HDC: variants seen among roughly 807,000 people sequenced by gnomAD.
HDC encodes the protein histidine decarboxylase.
HDC carries 27 observed loss-of-function variants against 64.4 expected under a neutral mutation model. The ratio of observed to expected loss-of-function variants is 0.42; its 90% CI spans 0.31 to 0.58. The LOEUF (loss-of-function observed/expected upper bound fraction) is 0.58. Among genes scored for constraint, HDC ranks in the 20% least tolerant of loss-of-function variants. The pLI is 0.16. For synonymous variants in HDC, 305 were observed against 314.2 expected (o/e 0.97, Z 0.31); for missense variants, 711 against 833.9 (o/e 0.85, Z 1.81).
intron 4 of HDC, among the ~76,000 whole-genome samples, chr15:50,257,190 T>C (rs1032221607): frequency 4.6e-5 from 7 of 152,158 alleles, no homozygotes; most frequent in Non-Finnish European, 4.4e-5. Flanking sequence ...ATACTGGAAA[T>C]GTGATCATGT....
rs1300336275 is a variant in HDC at position 50,248,218 on chromosome 15, C to T, written c.1140+27G>A. The T allele has an allele frequency of 1.3e-6, 2 of 1,489,184 alleles. No homozygotes were observed. The highest frequency in any genetic ancestry group is 1.1e-5 in the South Asian group (1 of 88,428). 92.2% of individuals were successfully genotyped at this position (1,489,184 alleles called of 1,614,324 possible). The stretch of plus-strand genomic sequence containing the variant: ...ATGAGAAAACAGAGGAACACAGGCT[C>T]AGCCCCCACAGCAGCATGCTACATA... On this transcript the variant is annotated intron_variant, in intron 10 of 11. Transcript: ENST00000267845. This position sits in a 1 kb window ranked among gnomAD's most constrained non-coding sequence, Gnocchi z 4.3.
At chr15:50,260,743 T>C (rs1290559353) in intron 2 of HDC, among the ~76,000 whole-genome samples, 1 of 152,176 alleles carries the variant, frequency 6.6e-6, no homozygotes, top group Non-Finnish European at 1.5e-5. Context: ...GCCACATCCC[T>C]GTGGTCACAC....
rs368451304 is a variant in HDC, at chr15:50,253,687, G to C, written c.721-21C>G. On this transcript the variant is annotated intron_variant, in intron 6 of 11. Coordinates refer to ENST00000267845, the MANE Select transcript of HDC (RefSeq NM_002112.4). ...CAGACCTAGGGGAAAATTAAGGCAA[G>C]TTAACACAGGAGGGTGGGCTCGTGT... The C allele has an allele frequency of 1.1e-5, 18 of 1,606,942 alleles. No homozygotes were observed. The African/African-American group carries it at 2.4e-4, about 21-fold the overall frequency.
intron 2 of HDC, among the ~76,000 whole-genome samples, chr15:50,260,083 G>A (rs1266865802): frequency 6.6e-6 from 1 of 150,710 alleles, no homozygotes. Context: ...GTGCAGCAGC[G>A]CCATCTTGGC....
chr15:50,260,965 A>T (rs1282636293), intron 2 of HDC, among the ~76,000 whole-genome samples: 2 of 152,176 alleles, frequency 1.3e-5, no homozygotes, highest in African/African-American at 4.8e-5. Flanking sequence ...TCAGTTTTCA[A>T]TGAGGCACTG....
intron 6 of HDC, 73 bp from the exon 7 acceptor site, chr15:50,253,739 A>G: frequency 2.6e-6 from 3 of 1,175,628 alleles, no homozygotes; most frequent in Non-Finnish European, 3.8e-6. Context: ...GAAAGATTTC[A>G]CCACAGACGT....
At chr15:50,256,904 A>T (rs545803146) in intron 4 of HDC, among the ~76,000 whole-genome samples, 16 of 152,302 alleles carry the variant, frequency 1.1e-4, no homozygotes, top group Non-Finnish European at 2.2e-4. Context: ...GGTCCATGGG[A>T]GGCACCCAGA....
At chr15:50,255,456 G>A (rs1402105460) in intron 4 of HDC, among the ~76,000 whole-genome samples, 3 of 152,078 alleles carry the variant, frequency 2.0e-5, no homozygotes, top group Non-Finnish European at 4.4e-5. Context: ...GATATTAAGT[G>A]CCTGGGAGTT....
rs563181284 is a variant in HDC, at chr15:50,263,715, G to A, written c.32-308C>T. 1.3e-5 allele frequency among the ~76,000 whole-genome samples: 2 copies of A among 152,108 alleles called. 1 individual carries two copies. Among genetic ancestry groups the A allele is most frequent in the Non-Finnish European group, 2.9e-5 (2 of 68,026 alleles). On this transcript the variant is annotated intron_variant, in intron 1 of 11. Coordinates refer to ENST00000267845, the MANE Select transcript of HDC (RefSeq NM_002112.4). ...CTTGGGAGGCTGAGGCAGGAGAATCGCTTGAACCTGGGAGACGGAGGTTGC... is the reference window on the plus strand; with the variant it reads ...CTTGGGAGGCTGAGGCAGGAGAATCACTTGAACCTGGGAGACGGAGGTTGC...
chr15:50,242,967 C>T lies in HDC; in HGVS notation c.1282G>A (p.Ala428Thr). The T allele has an allele frequency of 6.2e-7, 1 of 1,614,050 alleles. No individual in the cohort carries two copies. Residue 428 changes from alanine (A) to threonine (T), a missense_variant, in exon 12 of 12, where the codon GCT becomes ACT. Transcript: ENST00000267845. ...ATGAGGAAGAGACGGCCAGCTTTAG[C>T]TATTTCCTTTAACACATTTTCTGTG... is the stretch of plus-strand genomic sequence containing the variant. ...CLTENVLKEI[A>T]KAGRLFLIPA...
At chr15:50,263,932 A>G (rs2045737395) in intron 1 of HDC, among the ~76,000 whole-genome samples, 1 of 152,230 alleles carries the variant, frequency 6.6e-6, no homozygotes, top group South Asian at 2.1e-4. Flanking sequence ...AAATCTCCAA[A>G]GCACAAAACT....
chr15:50,242,257 T>G lies in HDC; in HGVS notation c.*3A>C, dbSNP rs16963481. On this transcript the variant is annotated 3_prime_UTR_variant, in exon 12 of 12. Transcript: ENST00000267845. ...CCTCAGACTCTGGCTGAAGGCCCTG[T>G]GTCTAAACCATGGCCTGCAGAGGGC... The G allele has an allele frequency of 0.011, 17,610 of 1,612,402 alleles. 1,060 individuals are homozygous for G. In the African/African-American group the frequency reaches 0.15, roughly 14 times the overall value.
intron 10 of HDC, among the ~76,000 whole-genome samples, chr15:50,244,285 CTTTTTTTTTTTTT>C (rs554623599): frequency 3.8e-5 from 4 of 105,182 alleles, no homozygotes; most frequent in African/African-American, 1.4e-4. Flanking sequence ...AGCTGAACCT[CTTTTTTTTTTTTT>C]TTTTTTTTTT....
In HDC at chr15:50,248,395, C is replaced by T; in HGVS notation, c.1042-52G>A. 3.1e-6 allele frequency: 4 copies of T among 1,290,240 alleles called. No homozygotes were observed. Among genetic ancestry groups the T allele is most frequent in the African/African-American group, 1.5e-5 (1 of 68,886 alleles). 79.9% of individuals were successfully genotyped at this position (1,290,240 alleles called of 1,614,324 possible). A position where few individuals can be genotyped will look rare whatever the true frequency, so the allele number is the denominator to read the frequency against. ...AGGTTAGAGACAAGGGTGCCCCACT[C>T]CCTCGGGCATTTCTGGGCATTATCT... On this transcript the variant is annotated intron_variant, in intron 9 of 11. Coordinates refer to ENST00000267845, the MANE Select transcript of HDC (RefSeq NM_002112.4). The surrounding 1 kb of genome is among the most constrained non-coding windows in gnomAD (Gnocchi z 4.3).
At chr15:50,265,409 GAA>G (rs2045754412) in intron 1 of HDC, among the ~76,000 whole-genome samples, 182 bp downstream of exon 1, 1 of 151,982 alleles carries the variant, frequency 6.6e-6, no homozygotes, top group African/African-American at 2.4e-5. Context: ...GAGTGGTTGA[GAA>G]AAGTTTTACA....
chr15:50,243,679 G>A (rs1251543004), intron 10 of HDC, among the ~76,000 whole-genome samples: 3 of 152,228 alleles, frequency 2.0e-5, no homozygotes, highest in Admixed American at 1.3e-4. Flanking sequence ...TGTTTGTAGT[G>A]CACATCAAGT....
intron 4 of HDC, 77 bp from the exon 5 acceptor site, chr15:50,254,741 TCTC>T (rs1567452446): frequency 0.022 from 3,966 of 181,850 alleles, 87 homozygotes; most frequent in African/African-American, 0.16. Flanking sequence ...TAGTTTTTTC[TCTC>T]TCTCTCTCTC....
chr15:50,245,409 A>G (rs1478516535), intron 10 of HDC, among the ~76,000 whole-genome samples: 1 of 152,120 alleles, frequency 6.6e-6, no homozygotes, highest in African/African-American at 2.4e-5. Context: ...GATGATGATG[A>G]TGATGGTGAT....
In HDC at chr15:50,242,832, G is replaced by C. The variant is rs751888297; in HGVS notation, c.1417C>G (p.Leu473Val). The C allele has an allele frequency of 2.2e-5, 35 of 1,613,810 alleles. No individual in the cohort carries two copies. The East Asian group carries it at 6.9e-4, about 32-fold the overall frequency. The change falls in exon 12 of 12, where the codon CTC becomes GTC. Residue 473 changes from leucine to valine, a missense_variant. This residue lies in a region of HDC where 483 missense variants were observed against 540.9 expected (regional missense o/e 0.89). Transcript: ENST00000267845. ...DWNLIRDAAT[L>V]ILSQHCTSQP... ...GAAGTACAGTGCTGACTCAGGATGA[G>C]AGTGGCAGCATCTCGAATGAGATTC...
Sources: allele counts gnomAD v4.1 joint callset (sites outside exome capture counted in the v4.1 genomes callset), GRCh38; gene constraint gnomAD v4.1.1; regional missense constraint gnomAD v4.1.1; non-coding constraint Gnocchi (gnomAD v3.1); transcripts MANE v1.5; gene names NCBI Gene and HGNC (gene_info 2026-07-23, HGNC 2026-07-21).